NUAK1: variants seen among roughly 807,000 people sequenced by gnomAD.
NUAK1 encodes NUAK family SNF1-like kinase 1.
NUAK1 carries 26 observed loss-of-function variants against 56.9 expected under a neutral mutation model. The observed-to-expected ratio is 0.46, with a 90% CI of 0.33 to 0.63. The LOEUF (loss-of-function observed/expected upper bound fraction) is 0.63, where lower values mean the gene tolerates loss of function less well. Ranked by LOEUF, NUAK1 falls within the 30% of genes least tolerant of loss-of-function variation. The pLI is 0.02. For missense variants in NUAK1, 727 were observed against 876.1 expected (o/e 0.83, Z 2.15); for synonymous variants, 337 against 336.0 (o/e 1.00, Z -0.03).
Position 106,138,562 on chromosome 12 carries a change from G to T in NUAK1, c.92C>A (p.Thr31Asn), listed in dbSNP as rs1565930566. ...CGGCTTCCTGGGCTCCAGGGCTGCAGTCGCCCCCGCCACCGCCTCTCGGGG... is the reference window on the plus strand; with the variant it reads ...CGGCTTCCTGGGCTCCAGGGCTGCATTCGCCCCCGCCACCGCCTCTCGGGG... Reference protein sequence around the residue: ...GSPREAVAGATAALEPRKPHG... With the variant: ...GSPREAVAGANAALEPRKPHG... The change falls in exon 1 of 7, where the codon ACT becomes AAT. Residue 31 changes from threonine (T) to asparagine (N), a missense_variant. Physicochemically the swap from Thr to Asn is moderately conservative, Grantham distance 65. Coordinates refer to ENST00000261402, the MANE Select transcript of NUAK1 (RefSeq NM_014840.3). This position sits in a 1 kb window ranked among gnomAD's most constrained non-coding sequence, Gnocchi z 5.0. 6.2e-7 allele frequency: 1 copy of T among 1,605,746 alleles called. No individual in the cohort carries two copies. Among genetic ancestry groups the T allele is most frequent in the South Asian group, 1.1e-5 (1 of 90,682 alleles).
chr12:106,107,046 G>A (rs1004467763), intron 1 of NUAK1, among the ~76,000 whole-genome samples: 11 of 152,120 alleles, frequency 7.2e-5, no homozygotes, highest in African/African-American at 2.4e-4. Context: ...CTGTGTTTAC[G>A]CAAGGGCTCA....
chr12:106,110,853 G>T (rs1177713339), intron 1 of NUAK1, among the ~76,000 whole-genome samples: 3 of 152,228 alleles, frequency 2.0e-5, no homozygotes, highest in Non-Finnish European at 4.4e-5. Flanking sequence ...TGTTTCAGAG[G>T]CAAACTCAGC....
At chr12:106,107,212 G>T (rs1256016585) in intron 1 of NUAK1, among the ~76,000 whole-genome samples, 1 of 152,092 alleles carries the variant, frequency 6.6e-6, no homozygotes, top group African/African-American at 2.4e-5. Context: ...AAAGCTCAGT[G>T]CCAATGTTGC....
chr12:106,100,221 C>T (rs2032734002), intron 2 of NUAK1, among the ~76,000 whole-genome samples: 2 of 151,696 alleles, frequency 1.3e-5, no homozygotes, highest in South Asian at 4.2e-4. Flanking sequence ...CTCCTTTTAG[C>T]AGTTTCCCAC....
rs2136454649 is a variant in NUAK1, at chr12:106,067,558, G to A, written c.1230C>T (p.Arg410=). 1 of 1,614,228 alleles carries A rather than the reference G, an allele frequency of 6.2e-7. No individual in the cohort carries two copies. Among genetic ancestry groups the A allele is most frequent in the Non-Finnish European group, 8.5e-7 (1 of 1,180,034 alleles). Residue 410 remains arginine, a synonymous_variant, in exon 7 of 7, where the codon CGC becomes CGT. Coordinates refer to ENST00000261402, the MANE Select transcript of NUAK1 (RefSeq NM_014840.3). This position sits in a 1 kb window ranked among gnomAD's most constrained non-coding sequence, Gnocchi z 6.0. ...CTTCAATGAAGCCAGTGCTGTGAGA[G>A]CGATGCTCGCTGTTGCTTCGCTTCT... ...ILKKRSNSEH[R]SHSTGFIEGV...
Position 106,074,192 on chromosome 12 carries a change from G to A in NUAK1, c.580-1349C>T, listed in dbSNP as rs2032438380. Among the ~76,000 whole-genome samples, 3 of 151,992 alleles carry A rather than the reference G, an allele frequency of 2.0e-5. No homozygotes were observed. The South Asian group carries it at 6.2e-4, about 32-fold the overall frequency. On this transcript the variant is annotated intron_variant, in intron 4 of 6. Transcript: ENST00000261402. Reference sequence around the variant, plus strand: ...CACACCCAAGAAACACTTGTCACTGGTACAGGCATTATATTTTGAAAAGCA... The same window carrying A: ...CACACCCAAGAAACACTTGTCACTGATACAGGCATTATATTTTGAAAAGCA...
At chr12:106,086,209 C>T (rs2032569194) in intron 3 of NUAK1, among the ~76,000 whole-genome samples, 1 of 151,914 alleles carries the variant, frequency 6.6e-6, no homozygotes, top group South Asian at 2.1e-4. Context: ...TCTCAATGTC[C>T]AACAATCAAG....
intron 1 of NUAK1, among the ~76,000 whole-genome samples, chr12:106,108,348 G>A (rs749788891): frequency 4.9e-4 from 74 of 152,268 alleles, no homozygotes; most frequent in Admixed American, 8.5e-4. Context: ...ACCTCCCTTC[G>A]ACCCTGGGTG....
rs770758232 is a variant in NUAK1 at position 106,067,464 on chromosome 12, G to A, written c.1324C>T (p.Leu442Phe). The change falls in exon 7 of 7, where the codon CTC becomes TTC. Residue 442 changes from leucine to phenylalanine, a missense_variant. Physicochemically the swap from Leu to Phe is conservative, Grantham distance 22. Coordinates refer to ENST00000261402, the MANE Select transcript of NUAK1 (RefSeq NM_014840.3). The surrounding 1 kb of genome is among the most constrained non-coding windows in gnomAD (Gnocchi z 6.0). ...EQDLCRTGVL[L>F]PSSPEAEVPG... Reference sequence around the variant, plus strand: ...ACCTCTGCCTCTGGTGAGCTTGGGAGGAGCACGCCAGTCCTGCACAAGTCC... The same window carrying A: ...ACCTCTGCCTCTGGTGAGCTTGGGAAGAGCACGCCAGTCCTGCACAAGTCC... The A allele has an allele frequency of 1.4e-5, 23 of 1,614,086 alleles. No homozygotes were observed. In the South Asian group the frequency reaches 2.5e-4, roughly 18 times the overall value.
Position 106,086,827 on chromosome 12 carries a change from C to T in NUAK1, c.420G>A (p.Leu140=), listed in dbSNP as rs115160889. Reference sequence around the variant, plus strand: ...GTCGCCGCTCACTGATGTAATCGTACAGCTCCCCTTTGCTGGCATATTCCA... The same window carrying T: ...GTCGCCGCTCACTGATGTAATCGTATAGCTCCCCTTTGCTGGCATATTCCA... ...IIMEYASKGE[L]YDYISERRRL... The change falls in exon 3 of 7, where the codon CTG becomes CTA. Residue 140 remains leucine, a synonymous_variant. Transcript: ENST00000261402. 159 of 1,614,224 alleles carry T rather than the reference C, an allele frequency of 9.8e-5. 1 individual carries two copies. In the African/African-American group the frequency reaches 1.9e-3, roughly 19 times the overall value.
chr12:106,135,413 T>C (rs1337036284), intron 1 of NUAK1, among the ~76,000 whole-genome samples: 1 of 152,264 alleles, frequency 6.6e-6, no homozygotes, highest in Non-Finnish European at 1.5e-5. Context: ...TCTTCAGAAC[T>C]GCCTTTCGCG....
At chr12:106,102,273 G>A (rs575035178) in intron 2 of NUAK1, among the ~76,000 whole-genome samples, 1 of 152,310 alleles carries the variant, frequency 6.6e-6, no homozygotes, top group South Asian at 2.1e-4. Context: ...TCTGATGAAA[G>A]CTATGTACCC....
At chr12:106,131,331 T>C (rs1349399894) in intron 1 of NUAK1, among the ~76,000 whole-genome samples, 1 of 152,074 alleles carries the variant, frequency 6.6e-6, no homozygotes, top group Non-Finnish European at 1.5e-5. Flanking sequence ...CCACACCCAT[T>C]AGCAGCTACT....
intron 1 of NUAK1, among the ~76,000 whole-genome samples, chr12:106,116,252 C>T (rs1366494659): frequency 6.6e-6 from 1 of 152,176 alleles, no homozygotes; most frequent in East Asian, 1.9e-4. Flanking sequence ...TCCAGCCAAC[C>T]TAAACCCCAG....
intron 2 of NUAK1, among the ~76,000 whole-genome samples, chr12:106,097,013 C>T (rs572463613): frequency 6.6e-6 from 1 of 152,338 alleles, no homozygotes; most frequent in Admixed American, 6.5e-5. Flanking sequence ...GTTTCTACTC[C>T]AGCCAGAAAG....
At chr12:106,108,432 A>G (rs2032825625) in intron 1 of NUAK1, among the ~76,000 whole-genome samples, 1 of 152,218 alleles carries the variant, frequency 6.6e-6, no homozygotes, top group Non-Finnish European at 1.5e-5. Flanking sequence ...TTTTCAGCAG[A>G]GAGCCAGACT....
chr12:106,137,474 ACAGT>A (rs1202596727), intron 1 of NUAK1, among the ~76,000 whole-genome samples: 1 of 152,232 alleles, frequency 6.6e-6, no homozygotes, highest in East Asian at 1.9e-4. Context: ...TCTTTCTGCA[ACAGT>A]CAGTCACTTT....
intron 2 of NUAK1, among the ~76,000 whole-genome samples, chr12:106,096,775 A>C (rs1234291045): frequency 6.6e-6 from 1 of 152,214 alleles, no homozygotes; most frequent in Non-Finnish European, 1.5e-5. Context: ...CACTGATGAC[A>C]AACGATCAGA....
At position 106,067,130 on chromosome 12, in the gene NUAK1, T is replaced by C. The variant is rs1425947536; in HGVS notation, c.1658A>G (p.Glu553Gly). ...GAGGCCCTCGGCAGGGACACCAGGCTCTGACAGGGATTCCAGTGTGGGCAT... is the reference window on the plus strand; with the variant it reads ...GAGGCCCTCGGCAGGGACACCAGGCCCTGACAGGGATTCCAGTGTGGGCAT... The part of the protein sequence containing the change: ...PEMPTLESLS[E>G]PGVPAEGLSR... Residue 553 changes from glutamate to glycine, a missense_variant, in exon 7 of 7, where the codon GAG becomes GGG. Coordinates refer to ENST00000261402, the MANE Select transcript of NUAK1 (RefSeq NM_014840.3). The surrounding 1 kb of genome is among the most constrained non-coding windows in gnomAD (Gnocchi z 6.0). 6.2e-7 allele frequency: 1 copy of C among 1,614,192 alleles called. No homozygotes were observed. The highest frequency in any genetic ancestry group is 1.1e-5 in the South Asian group (1 of 91,082).
Sources: gnomAD v4.1 joint callset for allele counts (sites outside exome capture counted in the v4.1 genomes callset) on GRCh38, gnomAD v4.1.1 for gene constraint, Gnocchi (gnomAD v3.1) non-coding constraint, MANE v1.5 for transcripts, NCBI Gene and HGNC (gene_info 2026-07-23, HGNC 2026-07-21) for gene names.